KCNN2: variants seen among roughly 807,000 people sequenced by gnomAD.
KCNN2 encodes the protein small conductance calcium-activated potassium channel protein 2.
A neutral mutation model predicts 55.5 loss-of-function variants in KCNN2; 24 were observed. The ratio of observed to expected loss-of-function variants is 0.43; its 90% CI spans 0.31 to 0.61. The LOEUF (loss-of-function observed/expected upper bound fraction) is 0.61, where lower values mean the gene tolerates loss of function less well. Among genes scored for constraint, KCNN2 ranks in the 20% least tolerant of loss-of-function variants. The pLI is 0.08. For missense variants in KCNN2, 754 were observed against 853.6 expected, an observed-to-expected ratio of 0.88 and a Z score of 1.45; for synonymous variants, 431 against 336.1, an observed-to-expected ratio of 1.28 and a Z score of -3.09.
chr5:114,437,650 A>G (rs748941248), intron 3 of KCNN2, among the ~76,000 whole-genome samples: 10 of 152,190 alleles, frequency 6.6e-5, no homozygotes, highest in Non-Finnish European at 7.4e-5. Context: ...CTTCTGATTA[A>G]CTTGAGTTTT....
intron 1 of KCNN2, among the ~76,000 whole-genome samples, chr5:114,087,967 T>C (rs182291434): frequency 3.3e-5 from 5 of 152,274 alleles, no homozygotes; most frequent in Admixed American, 3.3e-4. Flanking sequence ...TCATGTTTCT[T>C]AACATTGTTA....
In KCNN2 at chr5:114,233,610, A is replaced by T. The variant is rs559907136; in HGVS notation, c.-185+12045A>T. On this transcript the variant is annotated intron_variant, in intron 2 of 10. Coordinates refer to the KCNN2 transcript ENST00000512097. ...ACCGCTTTCTTTTTCCTGAACAGAT[A>T]TATACAGTATTGTTTTGCACTTTTA... Among the ~76,000 whole-genome samples the T allele has an allele frequency of 2.6e-5, 4 of 152,272 alleles. No individual in the cohort carries two copies. The South Asian group carries it at 8.3e-4, about 32-fold the overall frequency.
chr5:114,251,392 T>G (rs1301293701), intron 2 of KCNN2, among the ~76,000 whole-genome samples: 41 of 152,238 alleles, frequency 2.7e-4, no homozygotes, highest in Non-Finnish European at 5.9e-5. Context: ...TTGAACAAAT[T>G]ACTTAACTTT....
At chr5:114,315,506 T>A (rs1319230163) in intron 2 of KCNN2, among the ~76,000 whole-genome samples, 1 of 151,938 alleles carries the variant, frequency 6.6e-6, no homozygotes, top group Non-Finnish European at 1.5e-5. Context: ...TGGACTATTC[T>A]TATTATTTGT....
At chr5:114,235,968 A>G (rs878883501) in intron 2 of KCNN2, among the ~76,000 whole-genome samples, 1 of 152,204 alleles carries the variant, frequency 6.6e-6, no homozygotes, top group Non-Finnish European at 1.5e-5. Flanking sequence ...TATTGAGGCT[A>G]TGCAGCGATC....
At chr5:114,159,926 C>T (rs1365646103) in intron 1 of KCNN2, among the ~76,000 whole-genome samples, 4 of 152,138 alleles carry the variant, frequency 2.6e-5, no homozygotes, top group East Asian at 1.9e-4. Context: ...AGTGGTCTAT[C>T]AATTTTGTTG....
At chr5:114,435,059 T>C (rs1019967518) in intron 3 of KCNN2, among the ~76,000 whole-genome samples, 13 of 152,062 alleles carry the variant, frequency 8.5e-5, no homozygotes, top group Admixed American at 2.0e-4. Context: ...CTATTGGAGC[T>C]CCTGGAAATT....
At chr5:114,152,706 G>T (rs1279762107) in intron 1 of KCNN2, among the ~76,000 whole-genome samples, 2 of 152,168 alleles carry the variant, frequency 1.3e-5, no homozygotes, top group East Asian at 1.9e-4. Context: ...AATGGTCAGG[G>T]TAGCTATCTC....
At chr5:114,114,897 A>C (rs965115078) in intron 1 of KCNN2, among the ~76,000 whole-genome samples, 1 of 152,152 alleles carries the variant, frequency 6.6e-6, no homozygotes, top group Non-Finnish European at 1.5e-5. Flanking sequence ...AGCTTCGCCT[A>C]GACTATTAGC....
intron 1 of KCNN2, among the ~76,000 whole-genome samples, chr5:114,118,610 C>T (rs1020304577): frequency 1.3e-4 from 20 of 151,718 alleles, no homozygotes; most frequent in African/African-American, 4.8e-4. Flanking sequence ...GAATGATGCC[C>T]ACCCACACTG....
intron 2 of KCNN2, among the ~76,000 whole-genome samples, chr5:114,306,597 A>G (rs1306192902): frequency 2.0e-5 from 3 of 152,194 alleles, no homozygotes; most frequent in African/African-American, 7.2e-5. Context: ...GGACCAGGAA[A>G]ATAACCACAG....
chr5:114,400,440 C>A (rs1011487963), intron 2 of KCNN2, among the ~76,000 whole-genome samples: 1 of 152,170 alleles, frequency 6.6e-6, no homozygotes, highest in Non-Finnish European at 1.5e-5. Flanking sequence ...CCACAACTGC[C>A]CCTCTTCACC....
At chr5:114,272,382 CAT>C (rs5870592) in intron 2 of KCNN2, among the ~76,000 whole-genome samples, 110,133 of 124,776 alleles carry the variant, frequency 0.88, 50,994 homozygotes, top group East Asian at 0.96. Flanking sequence ...TATGTATGTA[CAT>C]ATATACACAC....
intron 5 of KCNN2, among the ~76,000 whole-genome samples, chr5:114,480,539 G>A (rs541849891): frequency 3.9e-5 from 6 of 152,030 alleles, no homozygotes; most frequent in South Asian, 2.1e-4. Flanking sequence ...ACCAAAATCC[G>A]GCAGAGATAC....
chr5:114,387,738 T>C (rs1319571187), intron 2 of KCNN2, among the ~76,000 whole-genome samples: 1 of 152,142 alleles, frequency 6.6e-6, no homozygotes, highest in Non-Finnish European at 1.5e-5. Flanking sequence ...GAAGAAAGGC[T>C]CTATCTACAT....
chr5:114,333,618 A>T (rs1467486799), intron 2 of KCNN2, among the ~76,000 whole-genome samples: 1 of 152,174 alleles, frequency 6.6e-6, no homozygotes, highest in Non-Finnish European at 1.5e-5. Context: ...AGTAAAAAAA[A>T]AAAAATTGAA....
intron 3 of KCNN2, among the ~76,000 whole-genome samples, chr5:114,438,096 C>A (rs62379175): frequency 0.073 from 11,041 of 152,182 alleles, 510 homozygotes; most frequent in Non-Finnish European, 0.098. Flanking sequence ...TACAGCTTTT[C>A]CTTCCTTGGA....
intron 2 of KCNN2, among the ~76,000 whole-genome samples, chr5:114,245,335 G>A (rs898727250): frequency 1.3e-5 from 2 of 152,178 alleles, no homozygotes; most frequent in Non-Finnish European, 2.9e-5. Flanking sequence ...ATTGATAAAC[G>A]TGATATCTCT....
chr5:114,198,702 A>T (rs1039690758), intron 1 of KCNN2, among the ~76,000 whole-genome samples: 5 of 151,942 alleles, frequency 3.3e-5, no homozygotes, highest in Non-Finnish European at 5.9e-5. Flanking sequence ...GTTTTTAAAT[A>T]CATGCTGTTT....
Sources: allele counts gnomAD v4.1 joint callset (sites outside exome capture counted in the v4.1 genomes callset), GRCh38; gene constraint gnomAD v4.1.1; transcripts MANE v1.5; gene names NCBI Gene and HGNC (gene_info 2026-07-23, HGNC 2026-07-21).